SLIT1: variants seen among roughly 807,000 people sequenced by gnomAD.
SLIT1 encodes the protein slit homolog 1 protein.
A neutral mutation model predicts 186.1 loss-of-function variants in SLIT1; 66 were observed. The ratio of observed to expected loss-of-function variants is 0.35; its 90% CI spans 0.29 to 0.44. The LOEUF (loss-of-function observed/expected upper bound fraction) is 0.44. Among genes scored for constraint, SLIT1 ranks in the 20% least tolerant of loss-of-function variants. The probability of loss-of-function intolerance (pLI) is 1.00; values close to 1 mark genes in which losing one functional copy is unlikely to be tolerated. For missense variants in SLIT1, 1,638 were observed against 2,037.4 expected, an observed-to-expected ratio of 0.80 and a Z score of 3.77; for synonymous variants, 761 against 833.8, an observed-to-expected ratio of 0.91 and a Z score of 1.50.
Position 97,011,041 on chromosome 10 carries a change from C to A in SLIT1, c.3293G>T (p.Cys1098Phe). 1 of 1,614,094 alleles carries A rather than the reference C, an allele frequency of 6.2e-7. No individual in the cohort carries two copies. Among genetic ancestry groups the A allele is most frequent in the Non-Finnish European group, 8.5e-7 (1 of 1,179,972 alleles). The change falls in exon 31 of 37, where the codon TGT becomes TTT. Residue 1098 changes from cysteine to phenylalanine, a missense_variant. Physicochemically the swap from Cys to Phe is radical, Grantham distance 205. Around this residue, in one of 3 missense-constraint regions of SLIT1, gnomAD observed 1,245 missense variants for 1,535.3 expected, o/e 0.81. Coordinates refer to ENST00000266058, the MANE Select transcript of SLIT1 (RefSeq NM_003061.3). ...GGAGTAGCTGTTGACTTCATCCATA[C>A]ACTGGGCCCCATTCTGGCAGCGGTG... is the stretch of plus-strand genomic sequence containing the variant. ...RDHRCQNGAQ[C>F]MDEVNSYSCL...
intron 4 of SLIT1, among the ~76,000 whole-genome samples, chr10:97,083,028 T>C (rs972629301): frequency 1.3e-5 from 2 of 152,222 alleles, no homozygotes; most frequent in African/African-American, 4.8e-5. Flanking sequence ...CAAGCAATTC[T>C]TCTGCCTCAG....
At chr10:97,063,748 A>G (rs989421616) in intron 7 of SLIT1, 130 bp from the exon 8 acceptor site, 4 of 1,010,924 alleles carry the variant, frequency 4.0e-6, no homozygotes, top group Admixed American at 2.9e-5. Context: ...ACATTTAGTC[A>G]AGTAGACGGC....
Position 97,013,812 on chromosome 10 carries a change from C to T in SLIT1, c.3132G>A (p.Val1044=). ...GGTTCAGATCCGGAGAGCACAAGTC[C>T]ACCAGCTGCTCACAGGCCTTTCCTG... is the stretch of plus-strand genomic sequence containing the variant. ...QYEGKACEQL[V]DLCSPDLNPC... The change falls in exon 30 of 37, where the codon GTG becomes GTA. Residue 1044 remains valine, a synonymous_variant. Transcript: ENST00000266058. 1.3e-6 allele frequency: 2 copies of T among 1,551,672 alleles called. No individual in the cohort carries two copies. Among genetic ancestry groups the T allele is most frequent in the Non-Finnish European group, 1.7e-6 (2 of 1,146,990 alleles).
intron 4 of SLIT1, among the ~76,000 whole-genome samples, chr10:97,151,309 T>C (rs2134712980): frequency 7.1e-6 from 1 of 141,404 alleles, no homozygotes; most frequent in South Asian, 2.2e-4. Context: ...AGTTGGGAGA[T>C]AGAAGGGTAT....
intron 4 of SLIT1, among the ~76,000 whole-genome samples, chr10:97,112,780 T>C (rs1849476494): frequency 6.6e-6 from 1 of 152,056 alleles, no homozygotes; most frequent in Non-Finnish European, 1.5e-5. Flanking sequence ...CTTCAACCTC[T>C]GCCCCTTGGC....
intron 28 of SLIT1, among the ~76,000 whole-genome samples, chr10:97,016,357 A>G (rs1185807260): frequency 6.6e-6 from 1 of 151,916 alleles, no homozygotes; most frequent in Non-Finnish European, 1.5e-5. Context: ...TGCATTGGAG[A>G]ATGATAAAAG....
chr10:97,139,773 G>T (rs1307576420), intron 4 of SLIT1, among the ~76,000 whole-genome samples: 2 of 152,136 alleles, frequency 1.3e-5, no homozygotes, highest in Non-Finnish European at 2.9e-5. Flanking sequence ...CCCTATCTTT[G>T]GGTCCCCTAC....
At chr10:97,034,858 C>T (rs12268044) in intron 22 of SLIT1, among the ~76,000 whole-genome samples, 68,584 of 152,016 alleles carry the variant, frequency 0.45, 16,588 homozygotes, top group African/African-American at 0.62. Context: ...TTGGTGGCCT[C>T]CCGACCAGAT....
At position 96,999,910 on chromosome 10, in the gene SLIT1, C is replaced by CTT. The variant is rs1324552849; in HGVS notation, c.*1200_*1201dup. On this transcript the variant is annotated 3_prime_UTR_variant, in exon 37 of 37. Transcript: ENST00000266058. ...CAGCCCCGGGTTAGGCACATAAATA[C>CTT]TTTTGATGTGATCAATGTAGATAGA... 1.3e-5 allele frequency: 2 copies of CTT among 151,996 alleles called. No individual in the cohort carries two copies. Among genetic ancestry groups the CTT allele is most frequent in the East Asian group, 3.9e-4 (2 of 5,152 alleles). The allele number at this position is 151,996 out of a possible 1,614,324, so 9.4% of individuals were successfully genotyped here. A position where few individuals can be genotyped will look rare whatever the true frequency, so the allele number is the denominator to read the frequency against.
At chr10:97,110,331 C>A (rs751502471) in intron 4 of SLIT1, among the ~76,000 whole-genome samples, 1 of 152,194 alleles carries the variant, frequency 6.6e-6, no homozygotes, top group Non-Finnish European at 1.5e-5. Flanking sequence ...CCCAGGTATT[C>A]ACCGAAGACG....
chr10:97,015,385 G>A (rs1385232124), intron 28 of SLIT1, among the ~76,000 whole-genome samples: 1 of 152,224 alleles, frequency 6.6e-6, no homozygotes, highest in African/African-American at 2.4e-5. Flanking sequence ...ACTGTCAGCT[G>A]ATAGAACATT....
At position 97,021,799 on chromosome 10, in the gene SLIT1, G is replaced by C. The variant is rs1485353569; in HGVS notation, c.2583-386C>G. 6.6e-6 allele frequency among the ~76,000 whole-genome samples: 1 copy of C among 152,126 alleles called. No homozygotes were observed. The highest frequency in any genetic ancestry group is 2.4e-5 in the African/African-American group (1 of 41,418). On this transcript the variant is annotated intron_variant, in intron 25 of 36. Coordinates refer to ENST00000266058, the MANE Select transcript of SLIT1 (RefSeq NM_003061.3). This position sits in a 1 kb window ranked among gnomAD's most constrained non-coding sequence, Gnocchi z 4.5. ...GCTGGTCTTGAACTCCTAAACTCAG[G>C]TTATCCACTCACCTCAGCCTCCCAA...
At chr10:97,073,006 G>T (rs1305286593) in intron 4 of SLIT1, among the ~76,000 whole-genome samples, 1 of 152,186 alleles carries the variant, frequency 6.6e-6, no homozygotes, top group African/African-American at 2.4e-5. Flanking sequence ...CAACCCTAAG[G>T]CTCTGTTGTT....
chr10:97,078,816 G>A (rs1849073528), intron 4 of SLIT1, among the ~76,000 whole-genome samples: 3 of 152,244 alleles, frequency 2.0e-5, no homozygotes, highest in South Asian at 2.1e-4. Context: ...TCAACACCAG[G>A]TGCTGGGCGC....
chr10:97,098,392 G>T (rs896531665), intron 4 of SLIT1, among the ~76,000 whole-genome samples: 2 of 152,224 alleles, frequency 1.3e-5, no homozygotes, highest in African/African-American at 4.8e-5. Context: ...AGGGGCAGGG[G>T]CCAGGTTTTC....
intron 4 of SLIT1, among the ~76,000 whole-genome samples, chr10:97,119,931 ATATATATATATATATGTATATG>A (rs918893105): frequency 2.3e-5 from 3 of 132,924 alleles, no homozygotes; most frequent in Non-Finnish European, 3.2e-5. Flanking sequence ...ATATATATAT[ATATATATATATATATGTATATG>A]TATATAGATT....
At chr10:97,071,967 G>C (rs1358653658) in intron 4 of SLIT1, among the ~76,000 whole-genome samples, 1 of 152,196 alleles carries the variant, frequency 6.6e-6, no homozygotes, top group Non-Finnish European at 1.5e-5. Flanking sequence ...AAGTAGGGAA[G>C]AGGAAGAAGG....
At chr10:97,017,225 C>T (rs1225419048) in intron 28 of SLIT1, among the ~76,000 whole-genome samples, 1 of 152,172 alleles carries the variant, frequency 6.6e-6, no homozygotes, top group Admixed American at 6.5e-5. Context: ...CTCACCGAAG[C>T]CCCGAGGAGG....
chr10:97,109,496 G>T (rs1368961619), intron 4 of SLIT1, among the ~76,000 whole-genome samples: 1 of 152,144 alleles, frequency 6.6e-6, no homozygotes, highest in East Asian at 1.9e-4. Context: ...ATCCCGACAG[G>T]AAACTTTCCC....
Sources: gnomAD v4.1 joint callset for allele counts (sites outside exome capture counted in the v4.1 genomes callset) on GRCh38, gnomAD v4.1.1 for gene constraint, gnomAD v4.1.1 regional missense constraint, Gnocchi (gnomAD v3.1) non-coding constraint, MANE v1.5 for transcripts, NCBI Gene and HGNC (gene_info 2026-07-23, HGNC 2026-07-21) for gene names.